The following SLC35F3 variants were observed in gnomAD, a reference collection of about 807,000 sequenced individuals.
The protein encoded by SLC35F3 is putative thiamine transporter SLC35F3.
SLC35F3 carries 25 observed loss-of-function variants against 49.9 expected under a neutral mutation model. The ratio of observed to expected loss-of-function variants is 0.50; its 90% CI spans 0.37 to 0.70. The LOEUF (loss-of-function observed/expected upper bound fraction) is 0.70. Ranked by LOEUF, SLC35F3 falls within the 30% of genes least tolerant of loss-of-function variation. The pLI, the probability that SLC35F3 is intolerant of heterozygous loss-of-function variation, is 0.00. For synonymous variants in SLC35F3, 275 were observed against 265.4 expected, an observed-to-expected ratio of 1.04 and a Z score of -0.35; for missense variants, 525 against 639.8, an observed-to-expected ratio of 0.82 and a Z score of 1.94.
At chr1:234,025,847 T>C (rs1475338336) in intron 2 of SLC35F3, among the ~76,000 whole-genome samples, 1 of 150,638 alleles carries the variant, frequency 6.6e-6, no homozygotes, top group Non-Finnish European at 1.5e-5. Flanking sequence ...TTTTGTTTTG[T>C]TGCTTTTGGG....
At chr1:234,316,023 G>A (rs373415231) in intron 4 of SLC35F3, among the ~76,000 whole-genome samples, 4 of 152,318 alleles carry the variant, frequency 2.6e-5, no homozygotes, top group African/African-American at 4.8e-5. Context: ...CTGTGGCCAC[G>A]AAGGAAAGGA....
At chr1:234,259,445 A>C (rs1347231217) in intron 3 of SLC35F3, among the ~76,000 whole-genome samples, 1 of 152,128 alleles carries the variant, frequency 6.6e-6, no homozygotes, top group African/African-American at 2.4e-5. Flanking sequence ...AAGTTCCAGG[A>C]TGCTTCTCCA....
intron 2 of SLC35F3, among the ~76,000 whole-genome samples, chr1:233,990,414 C>A (rs924102777): frequency 2.0e-5 from 3 of 152,078 alleles, no homozygotes; most frequent in Non-Finnish European, 4.4e-5. Context: ...AATTCACATC[C>A]AATTTTCTAT....
chr1:234,223,214 C>T (rs1039693736), intron 2 of SLC35F3, among the ~76,000 whole-genome samples: 2 of 152,200 alleles, frequency 1.3e-5, no homozygotes, highest in African/African-American at 2.4e-5. Flanking sequence ...GAGAGTTATT[C>T]GGGACCTCTA....
At chr1:234,019,443 A>G (rs1251449833) in intron 2 of SLC35F3, among the ~76,000 whole-genome samples, 1 of 152,184 alleles carries the variant, frequency 6.6e-6, no homozygotes, top group East Asian at 1.9e-4. Context: ...GAGGCTGGCA[A>G]ATTCAAAAGT....
At chr1:234,147,867 G>C (rs982080175) in intron 2 of SLC35F3, among the ~76,000 whole-genome samples, 1 of 152,014 alleles carries the variant, frequency 6.6e-6, no homozygotes, top group Non-Finnish European at 1.5e-5. Flanking sequence ...TGAGTGGCTT[G>C]TTCAGGATGG....
At chr1:234,312,409 A>C (rs1180506127) in intron 4 of SLC35F3, among the ~76,000 whole-genome samples, 1 of 152,204 alleles carries the variant, frequency 6.6e-6, no homozygotes, top group Admixed American at 6.5e-5. Context: ...TCGCATCTCA[A>C]TCAGATTCCA....
At chr1:233,916,169 C>T (rs1016108516) in intron 2 of SLC35F3, among the ~76,000 whole-genome samples, 1 of 152,168 alleles carries the variant, frequency 6.6e-6, no homozygotes, top group Non-Finnish European at 1.5e-5. Context: ...TGCCATATTC[C>T]AGAACAACTA....
chr1:233,918,418 G>T (rs915317794), intron 2 of SLC35F3, among the ~76,000 whole-genome samples: 1 of 152,156 alleles, frequency 6.6e-6, no homozygotes, highest in African/African-American at 2.4e-5. Flanking sequence ...ATGTGGAGGT[G>T]TCTGTGTGAT....
chr1:234,078,365 A>T (rs540020833), intron 2 of SLC35F3, among the ~76,000 whole-genome samples: 1 of 152,054 alleles, frequency 6.6e-6, no homozygotes, highest in East Asian at 1.9e-4. Flanking sequence ...CTCATTCCTC[A>T]TTCCACTCCA....
intron 2 of SLC35F3, among the ~76,000 whole-genome samples, chr1:233,926,875 C>T (rs1662168655): frequency 6.6e-6 from 1 of 152,054 alleles, no homozygotes; most frequent in Non-Finnish European, 1.5e-5. Context: ...TGTTAGTTTT[C>T]CTTCTAACAG....
chr1:234,169,749 G>A (rs1249256625), intron 2 of SLC35F3, among the ~76,000 whole-genome samples: 1 of 151,888 alleles, frequency 6.6e-6, no homozygotes, highest in Non-Finnish European at 1.5e-5. Context: ...ATTCTTCCCA[G>A]GGGAACATCT....
At chr1:234,250,749 G>A (rs1023959270) in intron 3 of SLC35F3, among the ~76,000 whole-genome samples, 1 of 151,800 alleles carries the variant, frequency 6.6e-6, no homozygotes, top group Non-Finnish European at 1.5e-5. Context: ...AAGAACCTCA[G>A]ACTGCTTCCA....
At chr1:234,213,210 C>A (rs1373653790) in intron 2 of SLC35F3, 1 of 152,194 alleles carries the variant, frequency 6.6e-6, no homozygotes, top group African/African-American at 2.4e-5. Flanking sequence ...ACAGAGCTAC[C>A]CTTGTGGGGA....
intron 3 of SLC35F3, among the ~76,000 whole-genome samples, chr1:234,288,257 C>T (rs1045150274): frequency 7.2e-5 from 11 of 152,082 alleles, no homozygotes; most frequent in Non-Finnish European, 7.4e-5. Context: ...CCCTCCCCGC[C>T]GCCACTTTCC....
chr1:234,279,388 AG>A (rs1021132122), intron 3 of SLC35F3, among the ~76,000 whole-genome samples: 1 of 151,902 alleles, frequency 6.6e-6, no homozygotes, highest in Non-Finnish European at 1.5e-5. Flanking sequence ...GCCCTTTCAC[AG>A]GGGGCACACA....
chr1:234,001,773 T>C (rs1220110434), intron 2 of SLC35F3, among the ~76,000 whole-genome samples: 1 of 152,234 alleles, frequency 6.6e-6, no homozygotes, highest in Non-Finnish European at 1.5e-5. Context: ...GATTTTACAC[T>C]CTGCATCCTA....
chr1:234,222,213 G>T (rs1465584174), intron 2 of SLC35F3, among the ~76,000 whole-genome samples: 1 of 152,118 alleles, frequency 6.6e-6, no homozygotes, highest in Non-Finnish European at 1.5e-5. Context: ...GCTTTGCCTG[G>T]GGCTGGTCTC....
intron 2 of SLC35F3, among the ~76,000 whole-genome samples, chr1:233,947,751 GGAGA>G (rs149887381): frequency 2.7e-5 from 4 of 146,890 alleles, no homozygotes; most frequent in South Asian, 2.2e-4. Context: ...GTAAGAGGGA[GGAGA>G]GAGAGAGAGA....
Sources: gnomAD v4.1 joint callset for allele counts (sites outside exome capture counted in the v4.1 genomes callset) on GRCh38, gnomAD v4.1.1 for gene constraint, MANE v1.5 for transcripts, NCBI Gene and HGNC (gene_info 2026-07-23, HGNC 2026-07-21) for gene names.